The following LRRIQ3 variants were observed in gnomAD, a reference collection of about 807,000 sequenced individuals.
LRRIQ3 encodes leucine rich repeats and IQ motif containing 3.
A neutral mutation model predicts 59.3 loss-of-function variants in LRRIQ3; 75 were observed. That is an observed-to-expected ratio of 1.26 (90% CI 1.05 to 1.53). The LOEUF (loss-of-function observed/expected upper bound fraction) is 1.53. Among genes scored for constraint, LRRIQ3 ranks in the 40% most tolerant of loss-of-function variants. The probability of loss-of-function intolerance (pLI) is 0.00; values close to 1 mark genes in which losing one functional copy is unlikely to be tolerated. For synonymous variants in LRRIQ3, 250 were observed against 231.3 expected, an observed-to-expected ratio of 1.08 and a Z score of -0.73; for missense variants, 831 against 710.0, an observed-to-expected ratio of 1.17 and a Z score of -1.94.
chr1:74,111,357 G>A lies in LRRIQ3; in HGVS notation c.708-1804C>T, dbSNP rs144698046. Among the ~76,000 whole-genome samples the A allele has an allele frequency of 2.9e-3, 447 of 151,966 alleles. 1 individual carries two copies. Among genetic ancestry groups the A allele is most frequent in the African/African-American group, 0.01 (420 of 41,480 alleles). On this transcript the variant is annotated intron_variant, in intron 4 of 7. Transcript: ENST00000354431. ...TTGCTAAGAAGAGACAAGATATAGC[G>A]GGCATCACAGAAAAAAAATTCCAGT...
At position 74,041,568 on chromosome 1, in the gene LRRIQ3, C is replaced by T. The variant is rs777023843; in HGVS notation, c.1363G>A (p.Val455Ile). Residue 455 changes from valine (V) to isoleucine (I), a missense_variant, in exon 7 of 8, where the codon GTA (valine) becomes ATA (isoleucine). Physicochemically the swap from Val to Ile is conservative, Grantham distance 29. Transcript: ENST00000354431. ...TGATTCAAATGTTCATTAACAGCTA[C>T]TCTAACTCTTTCTCGAGCAACTTGT... ...MAQVARERVR[V>I]AVNEHLNQKK... 12 of 1,613,654 alleles carry T rather than the reference C, an allele frequency of 7.4e-6. No homozygotes were observed. The highest frequency in any genetic ancestry group is 1.7e-4 in the Middle Eastern group (1 of 6,050).
At chr1:74,124,881 T>A (rs1179307151) in intron 4 of LRRIQ3, among the ~76,000 whole-genome samples, 2 of 151,976 alleles carry the variant, frequency 1.3e-5, no homozygotes, top group African/African-American at 4.8e-5. Context: ...GATTGTTTTC[T>A]CTATTTCTGT....
chr1:74,129,662 A>G lies in LRRIQ3; in HGVS notation c.708-20109T>C, dbSNP rs117142090. Among the ~76,000 whole-genome samples, 6 of 152,076 alleles carry G rather than the reference A, an allele frequency of 3.9e-5. No individual in the cohort carries two copies. In the East Asian group the frequency reaches 1.2e-3, roughly 30 times the overall value. ...CCTCGAGAAGAAGGAGTCCCTAGCT[A>G]TAGCCACCACAGCTGGAAATGTGCA... On this transcript the variant is annotated intron_variant, in intron 4 of 7. Coordinates refer to ENST00000354431, the MANE Select transcript of LRRIQ3 (RefSeq NM_001105659.2).
intron 5 of LRRIQ3, among the ~76,000 whole-genome samples, chr1:74,089,185 T>C (rs1156566752): frequency 1.3e-5 from 2 of 152,076 alleles, no homozygotes; most frequent in African/African-American, 2.4e-5. Flanking sequence ...TTTGGAGAAA[T>C]TGTAACTCTC....
chr1:74,050,876 T>C (rs1654349475), intron 6 of LRRIQ3, among the ~76,000 whole-genome samples: 1 of 152,186 alleles, frequency 6.6e-6, no homozygotes, highest in African/African-American at 2.4e-5. Flanking sequence ...CTTCCTATTT[T>C]CTTAGTAGCA....
chr1:74,124,153 T>C (rs1646902070), intron 4 of LRRIQ3, among the ~76,000 whole-genome samples: 1 of 152,006 alleles, frequency 6.6e-6, no homozygotes, highest in Non-Finnish European at 1.5e-5. Flanking sequence ...GTTTTCCATG[T>C]ATATGTCTTC....
rs148085854 is a variant in LRRIQ3 at position 74,129,468 on chromosome 1, T to C, written c.708-19915A>G. On this transcript the variant is annotated intron_variant, in intron 4 of 7. Coordinates refer to ENST00000354431, the MANE Select transcript of LRRIQ3 (RefSeq NM_001105659.2). Reference sequence around the variant, plus strand: ...TGGTAAATGCTGCCAGGCCTAGGACTCTCCCTTCAGTGAAGTGAGCTCCCC... The same window carrying C: ...TGGTAAATGCTGCCAGGCCTAGGACCCTCCCTTCAGTGAAGTGAGCTCCCC... 6.8e-3 allele frequency among the ~76,000 whole-genome samples: 1,037 copies of C among 152,048 alleles called. 5 individuals carry two copies. Among genetic ancestry groups the C allele is most frequent in the Non-Finnish European group, 8.9e-3 (608 of 67,964 alleles).
At chr1:74,162,178 A>G (rs2100681459) in intron 3 of LRRIQ3, among the ~76,000 whole-genome samples, 1 of 152,060 alleles carries the variant, frequency 6.6e-6, no homozygotes, top group South Asian at 2.1e-4. Context: ...TTAAAATGAT[A>G]TAGTGTTTTA....
At chr1:74,121,110 G>A (rs1330653364) in intron 4 of LRRIQ3, among the ~76,000 whole-genome samples, 2 of 152,040 alleles carry the variant, frequency 1.3e-5, no homozygotes, top group African/African-American at 4.8e-5. Context: ...TTATAGTCTT[G>A]TTCATTAAAG....
chr1:74,188,674 G>A (rs1182234683), intron 1 of LRRIQ3, among the ~76,000 whole-genome samples: 1 of 152,038 alleles, frequency 6.6e-6, no homozygotes, highest in Admixed American at 6.6e-5. Flanking sequence ...TTGTTTTATG[G>A]TTAGGTAGTT....
chr1:74,117,808 T>G (rs891323989), intron 4 of LRRIQ3, among the ~76,000 whole-genome samples: 2 of 152,060 alleles, frequency 1.3e-5, no homozygotes, highest in Non-Finnish European at 2.9e-5. Context: ...ATTACTAGTA[T>G]CAGTAATACA....
intron 6 of LRRIQ3, among the ~76,000 whole-genome samples, chr1:74,070,414 G>A (rs1458510862): frequency 6.6e-6 from 1 of 151,968 alleles, no homozygotes; most frequent in African/African-American, 2.4e-5. Flanking sequence ...TTATAAGTGG[G>A]AGCTAAACAT....
chr1:74,125,288 A>T (rs1298860442), intron 4 of LRRIQ3, among the ~76,000 whole-genome samples: 3 of 151,938 alleles, frequency 2.0e-5, no homozygotes, highest in African/African-American at 7.2e-5. Context: ...ATATAAGATT[A>T]TACCATCTGC....
intron 3 of LRRIQ3, among the ~76,000 whole-genome samples, chr1:74,161,300 T>C (rs1348658789): frequency 2.0e-5 from 3 of 152,068 alleles, no homozygotes; most frequent in African/African-American, 7.2e-5. Flanking sequence ...TTTTAGCATG[T>C]AAATTTTAGA....
Position 74,080,065 on chromosome 1 carries a change from TTG to T in LRRIQ3, c.868-5277_868-5276del, listed in dbSNP as rs1646256614. 2.6e-5 allele frequency among the ~76,000 whole-genome samples: 4 copies of T among 151,688 alleles called. No individual in the cohort carries two copies. The Admixed American group carries it at 2.6e-4, about 10-fold the overall frequency. On this transcript the variant is annotated intron_variant, in intron 5 of 7. Coordinates refer to ENST00000354431, the MANE Select transcript of LRRIQ3 (RefSeq NM_001105659.2). ...TCTATCAACTTATCAATTTCTGAAT[TTG>T]TCACACACACAAAAAGCATAAACAT...
chr1:74,114,502 C>T (rs765444635), intron 4 of LRRIQ3, among the ~76,000 whole-genome samples: 1 of 151,726 alleles, frequency 6.6e-6, no homozygotes, highest in South Asian at 2.1e-4. Context: ...TTTGGGAGGC[C>T]GAGGTGGGTA....
chr1:74,099,337 C>T (rs1043029205), intron 5 of LRRIQ3, among the ~76,000 whole-genome samples: 2 of 152,018 alleles, frequency 1.3e-5, no homozygotes, highest in African/African-American at 4.8e-5. Flanking sequence ...ACCCATACAC[C>T]CTCCCAAGAC....
Position 74,026,801 on chromosome 1 carries a change from T to C in LRRIQ3, c.*12A>G, listed in dbSNP as rs550228792. On this transcript the variant is annotated 3_prime_UTR_variant, in exon 8 of 8. Transcript: ENST00000354431. ...AATTTAAGATGATCATAGGATGTGA[T>C]CTGGCATTGATTCATTTTATCAGTC... 5 of 1,587,862 alleles carry C rather than the reference T, an allele frequency of 3.1e-6. No individual in the cohort carries two copies. The Admixed American group carries it at 9.2e-5, about 29-fold the overall frequency.
At chr1:74,035,672 C>A (rs999406083) in intron 7 of LRRIQ3, among the ~76,000 whole-genome samples, 1 of 152,116 alleles carries the variant, frequency 6.6e-6, no homozygotes, top group Non-Finnish European at 1.5e-5. Context: ...TGCAATATAT[C>A]TTTCTGGTAG....
Sources: allele counts gnomAD v4.1 joint callset (sites outside exome capture counted in the v4.1 genomes callset), GRCh38; gene constraint gnomAD v4.1.1; transcripts MANE v1.5; gene names NCBI Gene and HGNC (gene_info 2026-07-23, HGNC 2026-07-21).